Variants in C19orf38 observed in about 807,000 individuals in gnomAD.
C19orf38 encodes the protein protein HIDE1.
A neutral mutation model predicts 26.6 loss-of-function variants in C19orf38; 14 were observed. The observed-to-expected ratio is 0.53, with a 90% CI of 0.35 to 0.82. The LOEUF is 0.82. Among genes scored for constraint, C19orf38 ranks in the 40% least tolerant of loss-of-function variants. C19orf38 has a pLI of 0.01. For missense variants in C19orf38, 261 were observed against 299.5 expected, an observed-to-expected ratio of 0.87 and a Z score of 0.95; for synonymous variants, 132 against 128.5, an observed-to-expected ratio of 1.03 and a Z score of -0.18.
chr19:10,842,398 C>G (rs1327419913), intron 1 of C19orf38: 2 of 517,752 alleles, frequency 3.9e-6, no homozygotes, highest in Non-Finnish European at 7.0e-6. Flanking sequence ...GTAGCTGGGA[C>G]TACAGGTGCC....
upstream of C19orf38, chr19:10,848,347 G>A: frequency 1.4e-6 from 1 of 691,998 alleles, no homozygotes; most frequent in Non-Finnish European, 2.5e-6. Context: ...GTCCCTTTCA[G>A]TGCCCAAGCC....
chr19:10,842,223 C>T, intron 1 of C19orf38: 1 of 1,252,462 alleles, frequency 8.0e-7, no homozygotes, highest in African/African-American at 1.5e-5. Context: ...GTGATGACTA[C>T]CACAGAACCA....
rs368155786 is a variant in C19orf38 at position 10,863,449 on chromosome 19, G to A, written c.543+242G>A. 1.7e-3 allele frequency among the ~76,000 whole-genome samples: 261 copies of A among 152,298 alleles called. 2 individuals carry two copies. Among genetic ancestry groups the A allele is most frequent in the African/African-American group, 6.1e-3 (252 of 41,564 alleles). On this transcript the variant is annotated intron_variant, in intron 6 of 6. Coordinates refer to ENST00000397820, the MANE Select transcript of C19orf38 (RefSeq NM_001136482.3). The stretch of plus-strand genomic sequence containing the variant: ...TCAGGCTGTCTTGTGGCCACAGGCA[G>A]GCAGGCCCCTTGGTGGTATGTCCTG...
At chr19:10,851,766 A>G (rs1452318286) in intron 2 of C19orf38, among the ~76,000 whole-genome samples, 2 of 151,892 alleles carry the variant, frequency 1.3e-5, no homozygotes, top group African/African-American at 2.4e-5. Context: ...CAGGAGATTG[A>G]GACCATCCTG....
intron 2 of C19orf38, among the ~76,000 whole-genome samples, chr19:10,854,773 G>A (rs2073607345): frequency 1.3e-5 from 2 of 152,050 alleles, no homozygotes. Flanking sequence ...TGGGCTGGGG[G>A]TGGATGTCAT....
At chr19:10,864,987 G>A (rs2146277556) in intron 6 of C19orf38, among the ~76,000 whole-genome samples, 1 of 152,258 alleles carries the variant, frequency 6.6e-6, no homozygotes, top group South Asian at 2.1e-4. Flanking sequence ...GCTTGGCACG[G>A]GCCTGTGCAG....
intron 3 of C19orf38, among the ~76,000 whole-genome samples, chr19:10,857,361 TA>T (rs1414040817): frequency 2.7e-4 from 25 of 91,182 alleles, no homozygotes; most frequent in East Asian, 1.8e-3. Context: ...TATATATATA[TA>T]TATATTTTTT....
chr19:10,869,588 C>T lies in C19orf38; in HGVS notation c.*221C>T, dbSNP rs553925813. Reference sequence around the variant, plus strand: ...AACAGGAAGTTCCCCTCTCGACCTTCGGCTCCTCAGGACCACCAGAGAAGG... The same window carrying T: ...AACAGGAAGTTCCCCTCTCGACCTTTGGCTCCTCAGGACCACCAGAGAAGG... On this transcript the variant is annotated 3_prime_UTR_variant, in exon 7 of 7. Transcript: ENST00000397820. The T allele has an allele frequency of 6.1e-5, 37 of 604,412 alleles. No individual in the cohort carries two copies. The highest frequency in any genetic ancestry group is 4.4e-4 in the Middle Eastern group (1 of 2,250). 37.4% of individuals were successfully genotyped at this position (604,412 alleles called of 1,614,324 possible). A position where few individuals can be genotyped will look rare whatever the true frequency, so the allele number is the denominator to read the frequency against.
At chr19:10,848,593 T>A in intron 1 of C19orf38, 54 bp downstream of exon 1, 1 of 1,281,384 alleles carries the variant, frequency 7.8e-7, no homozygotes, top group Non-Finnish European at 1.0e-6. Flanking sequence ...CCATCCTCTG[T>A]CCACCTTGCC....
At chr19:10,858,415 C>T in intron 4 of C19orf38, 72 bp downstream of exon 4, 1 of 1,389,680 alleles carries the variant, frequency 7.2e-7, no homozygotes, top group South Asian at 1.3e-5. Flanking sequence ...AGGGTGGGCA[C>T]TCCATGCCCC....
chr19:10,860,929 G>A (rs1023062181), intron 5 of C19orf38, among the ~76,000 whole-genome samples: 3 of 151,542 alleles, frequency 2.0e-5, no homozygotes, highest in Admixed American at 2.0e-4. Flanking sequence ...TGGATCACGA[G>A]GTCAGGAGAT....
chr19:10,852,039 C>G (rs1466964830), intron 2 of C19orf38, among the ~76,000 whole-genome samples: 4 of 151,554 alleles, frequency 2.6e-5, no homozygotes, highest in Non-Finnish European at 5.9e-5. Context: ...GTAATCCCAG[C>G]TACTCAGGAG....
intron 4 of C19orf38, among the ~76,000 whole-genome samples, chr19:10,859,422 G>A (rs767395280): frequency 1.9e-4 from 24 of 128,328 alleles, no homozygotes; most frequent in African/African-American, 5.0e-4. Flanking sequence ...TCACTCTGTC[G>A]CCCAGGCTGG....
At chr19:10,841,648 T>C (rs1217161595) in intron 1 of C19orf38, among the ~76,000 whole-genome samples, 2 of 151,306 alleles carry the variant, frequency 1.3e-5, no homozygotes, top group African/African-American at 4.9e-5. Context: ...ATTCACCAAA[T>C]ATTTACTGAG....
intron 2 of C19orf38, among the ~76,000 whole-genome samples, chr19:10,855,990 G>A (rs911601720): frequency 2.6e-5 from 4 of 152,088 alleles, no homozygotes; most frequent in Non-Finnish European, 5.9e-5. Context: ...TGCAATGCTA[G>A]CCAGAGGAGT....
chr19:10,836,924 A>C (rs1194009487), intron 1 of C19orf38, among the ~76,000 whole-genome samples: 1 of 152,186 alleles, frequency 6.6e-6, no homozygotes, highest in African/African-American at 2.4e-5. Context: ...CTCAAGGGCC[A>C]GCAGGTAAAT....
chr19:10,850,518 C>T lies in C19orf38; in HGVS notation c.291C>T (p.Asn97=). Residue 97 remains asparagine, a synonymous_variant, in exon 2 of 7, where the codon AAC becomes AAT. Transcript: ENST00000397820. Reference sequence around the variant, plus strand: ...AGTATGGAGTGTTAGGTGAGCTCAACCAGTCCCAGCTGTCAGACCTCAGCG... The same window carrying T: ...AGTATGGAGTGTTAGGTGAGCTCAATCAGTCCCAGCTGTCAGACCTCAGCG... The part of the protein sequence containing the change: ...HCQYGVLGEL[N]QSQLSDLSEP... 6.4e-7 allele frequency: 1 copy of T among 1,551,662 alleles called. No homozygotes were observed. The highest frequency in any genetic ancestry group is 8.7e-7 in the Non-Finnish European group (1 of 1,146,970).
At chr19:10,839,384 A>G (rs1365929722) in intron 1 of C19orf38, among the ~76,000 whole-genome samples, 3 of 152,180 alleles carry the variant, frequency 2.0e-5, no homozygotes, top group Non-Finnish European at 4.4e-5. Flanking sequence ...TCAGGCTGCT[A>G]TTTATTAGAA....
chr19:10,850,588 C>G (rs755714718), intron 2 of C19orf38, 21 bp downstream of exon 2: 3 of 1,550,052 alleles, frequency 1.9e-6, no homozygotes, highest in Non-Finnish European at 2.6e-6. Context: ...TCTATGGGAT[C>G]TCACTGCCGG....
Sources: allele counts gnomAD v4.1 joint callset (sites outside exome capture counted in the v4.1 genomes callset), GRCh38; gene constraint gnomAD v4.1.1; transcripts MANE v1.5; gene names NCBI Gene and HGNC (gene_info 2026-07-23, HGNC 2026-07-21).